The following LRRC49 variants were observed in gnomAD, a reference collection of about 807,000 sequenced individuals.
The protein encoded by LRRC49 is leucine-rich repeat-containing protein 49.
A neutral mutation model predicts 83.3 loss-of-function variants in LRRC49; 50 were observed. That is an observed-to-expected ratio of 0.60 (90% CI 0.48 to 0.76). The LOEUF (loss-of-function observed/expected upper bound fraction) is 0.76. LRRC49 is among the 30% of genes least tolerant of loss of function. The probability of loss-of-function intolerance (pLI) is 0.00; values close to 1 mark genes in which losing one functional copy is unlikely to be tolerated. For missense variants in LRRC49, 704 were observed against 809.1 expected (o/e 0.87, Z 1.58); for synonymous variants, 286 against 283.3 (o/e 1.01, Z -0.10).
At chr15:70,871,601 G>C (rs1013930069) in intron 1 of LRRC49, among the ~76,000 whole-genome samples, 1 of 151,666 alleles carries the variant, frequency 6.6e-6, no homozygotes, top group African/African-American at 2.4e-5. Flanking sequence ...CTCCTGGACG[G>C]GGTGGCTGCC....
At chr15:70,908,110 C>T (rs994316126) in intron 5 of LRRC49, 2 of 421,088 alleles carry the variant, frequency 4.7e-6, no homozygotes, top group Non-Finnish European at 9.8e-6. Context: ...GATTGAACGA[C>T]TTGGCTGTTT....
At chr15:70,988,711 G>A (rs1287056039) in intron 11 of LRRC49, among the ~76,000 whole-genome samples, 5 of 152,000 alleles carry the variant, frequency 3.3e-5, no homozygotes, top group Non-Finnish European at 7.4e-5. Flanking sequence ...CTCATTAGTT[G>A]ATGCAGTTTC....
At chr15:70,878,895 T>C (rs1015422472) in intron 2 of LRRC49, among the ~76,000 whole-genome samples, 112 of 152,214 alleles carry the variant, frequency 7.4e-4, no homozygotes, top group African/African-American at 2.6e-3. Context: ...ACAAGGGATG[T>C]TGGTTTATAA....
intron 9 of LRRC49, among the ~76,000 whole-genome samples, chr15:70,966,876 G>A (rs913505156): frequency 6.6e-6 from 1 of 152,080 alleles, no homozygotes; most frequent in Non-Finnish European, 1.5e-5. Flanking sequence ...GTCTGCAGAG[G>A]CAACCATGCA....
chr15:70,915,152 G>GT (rs1256346352), intron 6 of LRRC49, among the ~76,000 whole-genome samples: 1 of 152,182 alleles, frequency 6.6e-6, no homozygotes, highest in Non-Finnish European at 1.5e-5. Context: ...GCTGTAACGA[G>GT]TAATTGACTT....
At chr15:70,958,412 A>T (rs1199488777) in intron 8 of LRRC49, among the ~76,000 whole-genome samples, 1 of 152,196 alleles carries the variant, frequency 6.6e-6, no homozygotes. Flanking sequence ...GAAAATACAC[A>T]TAGAAAAGCA....
intron 1 of LRRC49, among the ~76,000 whole-genome samples, chr15:70,869,303 T>C (rs552421223): frequency 2.0e-5 from 3 of 152,320 alleles, no homozygotes; most frequent in South Asian, 4.1e-4. Flanking sequence ...GTTCTATAGA[T>C]GCCATTCACT....
At chr15:71,023,057 G>A (rs972611823) in intron 14 of LRRC49, among the ~76,000 whole-genome samples, 4 of 152,094 alleles carry the variant, frequency 2.6e-5, no homozygotes, top group Non-Finnish European at 4.4e-5. Flanking sequence ...TAACCCACAG[G>A]TTAAAGATAA....
intron 5 of LRRC49, 99 bp downstream of exon 5, chr15:70,904,854 C>A: frequency 2.3e-6 from 2 of 865,806 alleles, no homozygotes; most frequent in Non-Finnish European, 3.5e-6. Flanking sequence ...AATGAATAGG[C>A]TAAAATTTTT....
chr15:70,955,038 G>T (rs1468098709), intron 8 of LRRC49, among the ~76,000 whole-genome samples: 2 of 152,074 alleles, frequency 1.3e-5, no homozygotes, highest in African/African-American at 4.8e-5. Flanking sequence ...CCAGCTTGGG[G>T]TGCTGTGGGT....
intron 15 of LRRC49, chr15:71,048,834 G>C (rs752070479): frequency 2.2e-6 from 1 of 455,858 alleles, no homozygotes; most frequent in Admixed American, 2.4e-5. Flanking sequence ...AGAAGGCAAC[G>C]TCCTGGGTCC....
chr15:70,991,299 T>A (rs747875005), intron 11 of LRRC49, among the ~76,000 whole-genome samples: 1 of 152,220 alleles, frequency 6.6e-6, no homozygotes, highest in Non-Finnish European at 1.5e-5. Flanking sequence ...ACATAAAGCA[T>A]TTATATCTTT....
upstream of LRRC49, chr15:70,892,048 G>A (rs200665629): frequency 5.6e-6 from 9 of 1,613,626 alleles, no homozygotes; most frequent in East Asian, 2.0e-4. Flanking sequence ...GGCGCTGGGA[G>A]AAGCGCAGGT....
rs912770878 is a variant in LRRC49 at position 71,017,539 on chromosome 15, G to GA, written c.1703+4635dup. ...AAGAAAAAAGACAGTTGAGATAATA[G>GA]AAAAAAAAAGGCAAAGCATATAAAG... On this transcript the variant is annotated intron_variant, in intron 14 of 15. Transcript: ENST00000260382. Among the ~76,000 whole-genome samples, 6 of 148,698 alleles carry GA rather than the reference G, an allele frequency of 4.0e-5. No individual in the cohort carries two copies. In the South Asian group the frequency reaches 6.4e-4, roughly 16 times the overall value.
intron 8 of LRRC49, among the ~76,000 whole-genome samples, chr15:70,939,854 T>G (rs551672669): frequency 2.2e-4 from 33 of 151,270 alleles, no homozygotes; most frequent in South Asian, 1.5e-3. Context: ...TAGGTTTTTT[T>G]TTTTTTTTTT....
intron 14 of LRRC49, among the ~76,000 whole-genome samples, chr15:71,021,046 GA>G (rs1022731847): frequency 6.6e-6 from 1 of 151,518 alleles, no homozygotes; most frequent in African/African-American, 2.4e-5. Flanking sequence ...TGATGAGCTA[GA>G]AAAAAATCAC....
At chr15:70,952,300 CCTT>C (rs772793308) in intron 8 of LRRC49, among the ~76,000 whole-genome samples, 23 of 151,564 alleles carry the variant, frequency 1.5e-4, no homozygotes, top group Non-Finnish European at 2.5e-4. Flanking sequence ...AGTAGTCCCT[CCTT>C]CTCAATTTTT....
chr15:71,045,705 T>TTTTTAAATA (rs1232540568), intron 15 of LRRC49, among the ~76,000 whole-genome samples: 1 of 152,186 alleles, frequency 6.6e-6, no homozygotes, highest in Non-Finnish European at 1.5e-5. Flanking sequence ...TTTTATTTTA[T>TTTTTAAATA]TTTTAAATAT....
intron 8 of LRRC49, among the ~76,000 whole-genome samples, chr15:70,950,788 G>A (rs2036189585): frequency 2.0e-5 from 3 of 151,978 alleles, no homozygotes; most frequent in African/African-American, 7.2e-5. Flanking sequence ...TCAATTTTTT[G>A]TTTTGTTGCA....
Sources: gnomAD v4.1 joint callset for allele counts (sites outside exome capture counted in the v4.1 genomes callset) on GRCh38, gnomAD v4.1.1 for gene constraint, MANE v1.5 for transcripts, NCBI Gene and HGNC (gene_info 2026-07-23, HGNC 2026-07-21) for gene names.